Variants in OTOG observed in about 807,000 individuals in gnomAD.
OTOG encodes otogelin.
A neutral mutation model predicts 313.8 loss-of-function variants in OTOG; 296 were observed. That is an observed-to-expected ratio of 0.94 (90% CI 0.86 to 1.04). The LOEUF is 1.04. Ranked by LOEUF, OTOG falls within the 50% of genes least tolerant of loss-of-function variation. The pLI, the probability that OTOG is intolerant of heterozygous loss-of-function variation, is 0.00. For synonymous variants in OTOG, 1,533 were observed against 1,554.9 expected, an observed-to-expected ratio of 0.99 and a Z score of 0.33; for missense variants, 3,948 against 3,840.1, an observed-to-expected ratio of 1.03 and a Z score of -0.74.
chr11:17,558,252 A>T lies in OTOG; in HGVS notation c.933A>T (p.Pro311=). The change falls in exon 9 of 56, where the codon CCA becomes CCT. Residue 311 remains proline (P), a synonymous_variant. Transcript: ENST00000399397. The stretch of plus-strand genomic sequence containing the variant: ...AGGAGCAGGCCCCTAACCAGCCTCC[A>T]GGGCCCACAACTTCCTCCCTGCCTC... ...SWQEQAPNQP[P]GPTTSSLPRP... is the part of the protein sequence containing the mutation. The T allele has an allele frequency of 6.4e-7, 1 of 1,550,622 alleles. No homozygotes were observed. The highest frequency in any genetic ancestry group is 8.7e-7 in the Non-Finnish European group (1 of 1,146,986).
In OTOG at chr11:17,610,891, A is replaced by G. The variant is rs1347002213; in HGVS notation, c.5591A>G (p.His1864Arg). Residue 1864 changes from histidine (H) to arginine (R), a missense_variant, in exon 36 of 56, where the codon CAC becomes CGC. Coordinates refer to ENST00000399397, the MANE Select transcript of OTOG (RefSeq NM_001292063.2). ...ATGACCCAGGCGCACCCACCCACTCACATAGCACCCCCAGCAGCAGGCACA... is the reference window on the plus strand; with the variant it reads ...ATGACCCAGGCGCACCCACCCACTCGCATAGCACCCCCAGCAGCAGGCACA... ...AAMTQAHPPTHIAPPAAGTAP... is the reference protein window; with the variant it reads ...AAMTQAHPPTRIAPPAAGTAP... 1.9e-5 allele frequency: 29 copies of G among 1,550,326 alleles called. No homozygotes were observed. The highest frequency in any genetic ancestry group is 2.4e-5 in the East Asian group (1 of 40,908).
Position 17,586,553 on chromosome 11 carries a change from G to T in OTOG, c.2839G>T (p.Asp947Tyr). ...TWKGKEYFPG[D>Y]QVMSPCHTCV... is the part of the protein sequence containing the mutation. The stretch of plus-strand genomic sequence containing the variant: ...GAAGGGGAAGGAGTATTTCCCTGGG[G>T]ACCAGGTGATGTCTCCTTGCCATAC... The change falls in exon 24 of 56, where the codon GAC (aspartate) becomes TAC (tyrosine). Residue 947 changes from aspartate to tyrosine, a missense_variant. Transcript: ENST00000399397. The T allele has an allele frequency of 2.1e-6, 3 of 1,426,998 alleles. No homozygotes were observed. The highest frequency in any genetic ancestry group is 1.6e-5 in the South Asian group (1 of 62,658). 88.4% of individuals were successfully genotyped at this position (1,426,998 alleles called of 1,614,324 possible). A position where few individuals can be genotyped will look rare whatever the true frequency, so the allele number is the denominator to read the frequency against.
At chr11:17,585,109 A>G (rs1426933948) in intron 23 of OTOG, among the ~76,000 whole-genome samples, 2 of 152,194 alleles carry the variant, frequency 1.3e-5, no homozygotes, top group Non-Finnish European at 2.9e-5. Flanking sequence ...TAAAACTTGT[A>G]TTATTTCTTC....
At chr11:17,637,586 G>T (rs770808471) in intron 47 of OTOG, among the ~76,000 whole-genome samples, 3 of 152,174 alleles carry the variant, frequency 2.0e-5, no homozygotes, top group African/African-American at 7.2e-5. Context: ...GGGCTAGACA[G>T]TGCGTGCATG....
rs989045162 is a variant in OTOG at position 17,547,624 on chromosome 11, C to T, written c.94+158C>T. 7.3e-6 allele frequency: 9 copies of T among 1,241,138 alleles called. No homozygotes were observed. In the Admixed American group the frequency reaches 1.2e-4, roughly 16 times the overall value. The allele number at this position is 1,241,138 out of a possible 1,614,324, so 76.9% of individuals were successfully genotyped here. ...GAGGAGCAGTCAGGGGAGGAGGGAC[C>T]CCGAAGCCAACAGAGGCAGGCCTAT... On this transcript the variant is annotated intron_variant, in intron 1 of 55. Transcript: ENST00000399397.
At chr11:17,592,546 G>GAC (rs3073106) in intron 25 of OTOG, among the ~76,000 whole-genome samples, 3,703 of 151,074 alleles carry the variant, frequency 0.025, 104 homozygotes, top group African/African-American at 0.063. Context: ...GTGAGACATG[G>GAC]ACACACACAC....
At chr11:17,595,879 A>G (rs1470950477) in intron 28 of OTOG, among the ~76,000 whole-genome samples, 159 bp from the exon 29 acceptor site, 53 of 152,128 alleles carry the variant, frequency 3.5e-4, no homozygotes, top group Admixed American at 3.5e-3. Flanking sequence ...GGTTTGAGGC[A>G]AGGTATAGGT....
chr11:17,558,692 G>C, intron 10 of OTOG, 48 bp downstream of exon 10: 1 of 1,509,698 alleles, frequency 6.6e-7, no homozygotes, highest in South Asian at 1.2e-5. Flanking sequence ...GTATTGGGGT[G>C]AGTGCTCAGC....
At chr11:17,638,339 G>A (rs1847897211) in intron 47 of OTOG, 112 bp from the exon 48 acceptor site, 2 of 902,874 alleles carry the variant, frequency 2.2e-6, no homozygotes, top group South Asian at 1.7e-5. Flanking sequence ...GACAGTGGGG[G>A]TCACTAAGGA....
At chr11:17,618,140 A>G (rs1853771587) in intron 39 of OTOG, among the ~76,000 whole-genome samples, 1 of 152,132 alleles carries the variant, frequency 6.6e-6, no homozygotes, top group African/African-American at 2.4e-5. Flanking sequence ...TGATCTCGTG[A>G]TCCACCCGCC....
At chr11:17,602,941 C>T (rs2134076380) in intron 32 of OTOG, among the ~76,000 whole-genome samples, 1 of 152,322 alleles carries the variant, frequency 6.6e-6, no homozygotes, top group Non-Finnish European at 1.5e-5. Context: ...GTCTTAGAGT[C>T]AGGAGAGCCT....
rs538156438 is a variant in OTOG, at chr11:17,607,788, A to T, written c.4157-508A>T. On this transcript the variant is annotated intron_variant, in intron 33 of 55. Transcript: ENST00000399397. ...AACGCTTTGGGCTAGAGGGGAAGGGATCCCCCAGTGCCTCCCCTCACCCTG... is the reference window on the plus strand; with the variant it reads ...AACGCTTTGGGCTAGAGGGGAAGGGTTCCCCCAGTGCCTCCCCTCACCCTG... 3.3e-5 allele frequency among the ~76,000 whole-genome samples: 5 copies of T among 152,242 alleles called. No individual in the cohort carries two copies. In the South Asian group the frequency reaches 1.0e-3, roughly 32 times the overall value.
In OTOG at chr11:17,562,044, AAAAT is replaced by A. The variant is rs1407163375; in HGVS notation, c.1644+239_1644+242del. ...TTTTAGGATTTTACTACCTAAAAAA[AAAAT>A]ATATATATATATATATATATATATG... On this transcript the variant is annotated intron_variant, in intron 15 of 55. Coordinates refer to ENST00000399397, the MANE Select transcript of OTOG (RefSeq NM_001292063.2). Among the ~76,000 whole-genome samples the A allele has an allele frequency of 4.2e-3, 519 of 124,988 alleles. 1 individual carries two copies. The highest frequency in any genetic ancestry group is 5.2e-3 in the African/African-American group (141 of 27,286). 82.0% of individuals were successfully genotyped at this position (124,988 alleles called of 152,430 possible). A position where few individuals can be genotyped will look rare whatever the true frequency, so the allele number is the denominator to read the frequency against.
chr11:17,624,365 G>A (rs553816243), intron 39 of OTOG, among the ~76,000 whole-genome samples: 1 of 152,260 alleles, frequency 6.6e-6, no homozygotes, highest in Non-Finnish European at 1.5e-5. Context: ...TCAATCTTCT[G>A]CATATGGCTA....
chr11:17,634,830 G>T lies in OTOG; in HGVS notation c.7481-14G>T. On this transcript the variant is annotated splice_polypyrimidine_tract_variant and intron_variant, in intron 44 of 55. Coordinates refer to ENST00000399397, the MANE Select transcript of OTOG (RefSeq NM_001292063.2). Reference sequence around the variant, plus strand: ...CGGCCCCGAGGTGACAGGCCCTGTGGTCCCCGGGGCCAGTGTGTAACCAGA... The same window carrying T: ...CGGCCCCGAGGTGACAGGCCCTGTGTTCCCCGGGGCCAGTGTGTAACCAGA... 2 of 1,547,200 alleles carry T rather than the reference G, an allele frequency of 1.3e-6. No individual in the cohort carries two copies. Among genetic ancestry groups the T allele is most frequent in the Non-Finnish European group, 1.7e-6 (2 of 1,145,056 alleles).
In OTOG at chr11:17,609,766, G is replaced by C. The variant is rs1853478174; in HGVS notation, c.4466G>C (p.Ser1489Thr). ...SDEEPQLSQE[S>T]PRTPTHRPAL... ...GAGGAGCCACAGCTGTCACAGGAAA[G>C]CCCCAGGACCCCCACCCACAGGCCA... The change falls in exon 36 of 56, where the codon AGC (serine) becomes ACC (threonine). Residue 1489 changes from serine (S) to threonine (T), a missense_variant. Transcript: ENST00000399397. The C allele has an allele frequency of 1.9e-6, 3 of 1,548,992 alleles. No individual in the cohort carries two copies. Among genetic ancestry groups the C allele is most frequent in the Middle Eastern group, 1.7e-4 (1 of 5,974 alleles).
intron 15 of OTOG, among the ~76,000 whole-genome samples, chr11:17,566,769 C>T (rs1852300814): frequency 6.6e-6 from 1 of 152,174 alleles, no homozygotes; most frequent in African/African-American, 2.4e-5. Flanking sequence ...TTTCTTTTGC[C>T]TTTAGTCTTA....
chr11:17,559,287 C>T (rs552317131), intron 11 of OTOG, 126 bp downstream of exon 11: 225 of 969,820 alleles, frequency 2.3e-4, no homozygotes, highest in Non-Finnish European at 3.1e-4. Context: ...GAGGTTTTAT[C>T]GCCATGAGAA....
intron 30 of OTOG, among the ~76,000 whole-genome samples, chr11:17,599,143 C>T (rs1487663515): frequency 6.6e-6 from 1 of 152,206 alleles, no homozygotes; most frequent in East Asian, 1.9e-4. Context: ...AGAGGGCAAG[C>T]TGAGCTCACG....
Sources: gnomAD v4.1 joint callset for allele counts (sites outside exome capture counted in the v4.1 genomes callset) on GRCh38, gnomAD v4.1.1 for gene constraint, MANE v1.5 for transcripts, NCBI Gene and HGNC (gene_info 2026-07-23, HGNC 2026-07-21) for gene names.